MRRF: variants seen among roughly 807,000 people sequenced by gnomAD.
The protein encoded by MRRF is mitochondrial ribosome recycling factor.
In MRRF, 18 loss-of-function variants were observed where a neutral mutation model predicts 25.1. That is an observed-to-expected ratio of 0.72 (90% CI 0.50 to 1.06). The LOEUF is 1.06. MRRF is among the 50% of genes least tolerant of loss of function. The probability of loss-of-function intolerance (pLI) is 0.00; values close to 1 mark genes in which losing one functional copy is unlikely to be tolerated. For missense variants in MRRF, 323 were observed against 319.3 expected (o/e 1.01, Z -0.09); for synonymous variants, 113 against 112.1 (o/e 1.01, Z -0.05).
intron 6 of MRRF, among the ~76,000 whole-genome samples, chr9:122,319,873 A>G (rs1835774782): frequency 6.7e-6 from 1 of 148,208 alleles, no homozygotes; most frequent in Non-Finnish European, 1.5e-5. Flanking sequence ...TATTTTCATT[A>G]ATTTTTTTTT....
At chr9:122,307,582 A>G (rs1383817293) in intron 5 of MRRF, among the ~76,000 whole-genome samples, 1 of 152,230 alleles carries the variant, frequency 6.6e-6, no homozygotes, top group Admixed American at 6.5e-5. Flanking sequence ...TTGAGCTCTT[A>G]CAATGCATAC....
intron 4 of MRRF, among the ~76,000 whole-genome samples, chr9:122,289,924 C>A (rs1833650481): frequency 6.6e-6 from 1 of 151,374 alleles, no homozygotes; most frequent in Non-Finnish European, 1.5e-5. Flanking sequence ...GCTCTTCTTT[C>A]TTTTTTTCCT....
Position 122,323,341 on chromosome 9 carries a change from T to TC in MRRF, c.*725dup, listed in dbSNP as rs1405470911. On this transcript the variant is annotated 3_prime_UTR_variant, in exon 7 of 7. Coordinates refer to ENST00000344641, the MANE Select transcript of MRRF (RefSeq NM_138777.5). ...GCACAGTCTACTGCTTTGTACGAAT[T>TC]CTAAGTATTCTTGTTGCACTTAATT... 1.3e-5 allele frequency: 2 copies of TC among 153,040 alleles called. No homozygotes were observed. The highest frequency in any genetic ancestry group is 2.9e-5 in the Non-Finnish European group (2 of 68,630). 9.5% of individuals were successfully genotyped at this position (153,040 alleles called of 1,614,324 possible). A position where few individuals can be genotyped will look rare whatever the true frequency, so the allele number is the denominator to read the frequency against.
At chr9:122,267,799 C>T (rs1352204871) in intron 1 of MRRF, among the ~76,000 whole-genome samples, 1 of 152,204 alleles carries the variant, frequency 6.6e-6, no homozygotes, top group Non-Finnish European at 1.5e-5. Context: ...AGAATAGTTT[C>T]TGTCACGTAG....
intron 2 of MRRF, among the ~76,000 whole-genome samples, chr9:122,272,534 C>T (rs1832525560): frequency 6.6e-6 from 1 of 151,478 alleles, no homozygotes; most frequent in Non-Finnish European, 1.5e-5. Context: ...GCCTGGTGGC[C>T]TGTACCTGTA....
chr9:122,280,302 C>G (rs758425229), intron 2 of MRRF, 141 bp from the exon 3 acceptor site: 60 of 914,480 alleles, frequency 6.6e-5, no homozygotes, highest in African/African-American at 3.3e-5. Context: ...AATATAGGCT[C>G]TTTTTTAGTG....
rs1415535537 is a variant in MRRF, at chr9:122,329,076, T to G, written c.*6459T>G. 6.6e-6 allele frequency: 1 copy of G among 152,222 alleles called. No individual in the cohort carries two copies. Among genetic ancestry groups the G allele is most frequent in the African/African-American group, 2.4e-5 (1 of 41,436 alleles). 9.4% of individuals were successfully genotyped at this position (152,222 alleles called of 1,614,324 possible). ...TCATGTCACTCTTCTCTCAGAAACCTTCATTGGTTCCCTGTTGCCTGCTGA... is the reference window on the plus strand; with the variant it reads ...TCATGTCACTCTTCTCTCAGAAACCGTCATTGGTTCCCTGTTGCCTGCTGA... On this transcript the variant is annotated 3_prime_UTR_variant, in exon 7 of 7. Transcript: ENST00000344641.
intron 2 of MRRF, among the ~76,000 whole-genome samples, chr9:122,279,114 G>T (rs928648774): frequency 9.2e-5 from 14 of 152,094 alleles, no homozygotes; most frequent in African/African-American, 3.4e-4. Context: ...CTCGTGATCT[G>T]CCTGCCTCGG....
At chr9:122,291,650 T>G in intron 4 of MRRF, 99 bp from the exon 5 acceptor site, 1 of 857,148 alleles carries the variant, frequency 1.2e-6, no homozygotes, top group Non-Finnish European at 2.0e-6. Flanking sequence ...ACTAAATGTT[T>G]CCATGTTCTG....
At position 122,311,731 on chromosome 9, in the gene MRRF, T is replaced by C. The variant is rs919516101; in HGVS notation, c.552-1496T>C. On this transcript the variant is annotated intron_variant, in intron 5 of 6. Transcript: ENST00000344641. ...CATTTTCTAAACAGTGAGATACCTA[T>C]TTGAAATTATGTGAAATGCAATATT... is the stretch of plus-strand genomic sequence containing the variant. 2.0e-5 allele frequency among the ~76,000 whole-genome samples: 3 copies of C among 152,324 alleles called. No individual in the cohort carries two copies. In the East Asian group the frequency reaches 5.8e-4, roughly 29 times the overall value.
intron 2 of MRRF, among the ~76,000 whole-genome samples, chr9:122,272,584 GA>G (rs1228292985): frequency 1.3e-5 from 2 of 152,108 alleles, no homozygotes; most frequent in Non-Finnish European, 2.9e-5. Context: ...AGGATGGCTT[GA>G]GGTGAGGAGT....
At chr9:122,312,867 A>G (rs1011049407) in intron 5 of MRRF, among the ~76,000 whole-genome samples, 8 of 152,204 alleles carry the variant, frequency 5.3e-5, no homozygotes, top group Non-Finnish European at 8.8e-5. Flanking sequence ...CCCAAGCTTC[A>G]TATTACTGAC....
intron 4 of MRRF, among the ~76,000 whole-genome samples, chr9:122,287,736 G>C (rs1375790185): frequency 6.6e-6 from 1 of 152,166 alleles, no homozygotes; most frequent in Non-Finnish European, 1.5e-5. Flanking sequence ...TGTTCAAGTT[G>C]AAATTCCATG....
intron 5 of MRRF, among the ~76,000 whole-genome samples, chr9:122,310,901 A>G (rs1835163869): frequency 6.6e-6 from 1 of 152,236 alleles, no homozygotes; most frequent in Non-Finnish European, 1.5e-5. Context: ...ATATTTCCAT[A>G]ATAAAATATG....
At chr9:122,293,185 A>G (rs746174794) in intron 5 of MRRF, among the ~76,000 whole-genome samples, 11 of 152,198 alleles carry the variant, frequency 7.2e-5, no homozygotes, top group Non-Finnish European at 1.6e-4. Context: ...GGGACATTTG[A>G]ACAAAGACCT....
chr9:122,270,195 C>T (rs1032118926), intron 1 of MRRF, among the ~76,000 whole-genome samples: 14 of 152,202 alleles, frequency 9.2e-5, no homozygotes, highest in African/African-American at 3.4e-4. Flanking sequence ...TGTGTTCTAT[C>T]CTGAGGTAGT....
intron 4 of MRRF, among the ~76,000 whole-genome samples, chr9:122,288,781 T>G (rs1468283446): frequency 6.6e-6 from 1 of 152,242 alleles, no homozygotes; most frequent in Non-Finnish European, 1.5e-5. Context: ...TATTTTTTTG[T>G]TGTTGTTGCT....
chr9:122,298,961 A>G (rs1834264095), intron 5 of MRRF, among the ~76,000 whole-genome samples: 1 of 152,144 alleles, frequency 6.6e-6, no homozygotes, highest in Non-Finnish European at 1.5e-5. Context: ...ATGTACAAGA[A>G]CAAACCATGC....
At chr9:122,281,748 G>T (rs13291802) in intron 3 of MRRF, among the ~76,000 whole-genome samples, 2,452 of 152,300 alleles carry the variant, frequency 0.016, 48 homozygotes, top group Non-Finnish European at 0.025. Context: ...CTTAAAATTA[G>T]CCAGCAAGCT....
Sources: gnomAD v4.1 joint callset for allele counts (sites outside exome capture counted in the v4.1 genomes callset) on GRCh38, gnomAD v4.1.1 for gene constraint, MANE v1.5 for transcripts, NCBI Gene and HGNC (gene_info 2026-07-23, HGNC 2026-07-21) for gene names.